Variants in CDH13 observed in about 807,000 individuals in gnomAD.
The protein encoded by CDH13 is cadherin 13.
Under a neutral mutation model 63.8 loss-of-function variants are expected in CDH13, and 24 were observed. The ratio of observed to expected loss-of-function variants is 0.38; its 90% CI spans 0.27 to 0.53. The LOEUF is 0.53. Ranked by LOEUF, CDH13 falls within the 20% of genes least tolerant of loss-of-function variation. The pLI is 0.85. For synonymous variants in CDH13, 503 were observed against 355.3 expected (o/e 1.42, Z -4.67); for missense variants, 1,049 against 903.1 (o/e 1.16, Z -2.07).
intron 1 of CDH13, among the ~76,000 whole-genome samples, chr16:82,734,997 G>C (rs2033598806): frequency 6.6e-6 from 1 of 152,184 alleles, no homozygotes; most frequent in Non-Finnish European, 1.5e-5. Flanking sequence ...CTAATTAGGA[G>C]GCTACTCCGG....
chr16:82,833,237 T>C (rs1328468473), intron 1 of CDH13, among the ~76,000 whole-genome samples: 1 of 152,232 alleles, frequency 6.6e-6, no homozygotes, highest in Non-Finnish European at 1.5e-5. Context: ...AATAATTGTG[T>C]AGCACTATCT....
intron 10 of CDH13, among the ~76,000 whole-genome samples, chr16:83,689,790 C>G (rs1191718487): frequency 6.6e-6 from 1 of 152,244 alleles, no homozygotes; most frequent in Non-Finnish European, 1.5e-5. Context: ...TGGATTAGGG[C>G]TATGACCGGA....
At chr16:82,947,100 T>A (rs1006888768) in intron 2 of CDH13, among the ~76,000 whole-genome samples, 1 of 151,790 alleles carries the variant, frequency 6.6e-6, no homozygotes, top group Non-Finnish European at 1.5e-5. Context: ...TCTCTCTGAT[T>A]ACTGTCAATG....
At chr16:82,915,872 C>G (rs531057306) in intron 2 of CDH13, among the ~76,000 whole-genome samples, 1 of 150,178 alleles carries the variant, frequency 6.7e-6, no homozygotes, top group East Asian at 2.0e-4. Flanking sequence ...AGGGGAACTG[C>G]TATATCACAG....
intron 1 of CDH13, among the ~76,000 whole-genome samples, chr16:82,746,082 G>A (rs762436800): frequency 1.3e-5 from 2 of 151,704 alleles, no homozygotes; most frequent in Middle Eastern, 3.2e-3. Flanking sequence ...ATCTATCTAT[G>A]TCTTTCTATT....
chr16:83,186,539 G>A (rs1225166489), intron 4 of CDH13, among the ~76,000 whole-genome samples: 1 of 151,932 alleles, frequency 6.6e-6, no homozygotes, highest in Non-Finnish European at 1.5e-5. Flanking sequence ...TATTTTTGTT[G>A]TTATTGTTTT....
intron 5 of CDH13, among the ~76,000 whole-genome samples, chr16:83,248,506 C>T (rs369674132): frequency 5.3e-5 from 8 of 152,136 alleles, no homozygotes; most frequent in African/African-American, 1.9e-4. Flanking sequence ...AAATGAAAGT[C>T]AGGCTCAAGG....
chr16:83,681,942 C>G (rs1199863768), intron 10 of CDH13, among the ~76,000 whole-genome samples: 1 of 152,156 alleles, frequency 6.6e-6, no homozygotes, highest in Non-Finnish European at 1.5e-5. Context: ...AGAAACTTAG[C>G]TGGAAAAGAA....
At chr16:83,166,464 C>T (rs1407667740) in intron 4 of CDH13, among the ~76,000 whole-genome samples, 1 of 152,032 alleles carries the variant, frequency 6.6e-6, no homozygotes, top group African/African-American at 2.4e-5. Context: ...CCTCTTGATT[C>T]CTCCCTCCTT....
chr16:83,067,823 C>G (rs1419151940), intron 3 of CDH13, among the ~76,000 whole-genome samples: 1 of 152,142 alleles, frequency 6.6e-6, no homozygotes, highest in Non-Finnish European at 1.5e-5. Flanking sequence ...CTGCCCCTCT[C>G]TTCTTCTCTC....
At chr16:83,246,699 G>A (rs975926648) in intron 5 of CDH13, among the ~76,000 whole-genome samples, 3 of 152,054 alleles carry the variant, frequency 2.0e-5, no homozygotes, top group African/African-American at 7.2e-5. Flanking sequence ...TGCCTTTGAG[G>A]CCCCTATGTT....
chr16:83,207,474 T>A (rs1449599225), intron 4 of CDH13, among the ~76,000 whole-genome samples: 1 of 152,202 alleles, frequency 6.6e-6, no homozygotes, highest in Non-Finnish European at 1.5e-5. Context: ...ACACATACAA[T>A]CTTTACATAT....
chr16:83,628,942 T>C (rs1209252486), intron 8 of CDH13, among the ~76,000 whole-genome samples: 1 of 152,218 alleles, frequency 6.6e-6, no homozygotes, highest in Non-Finnish European at 1.5e-5. Flanking sequence ...GATTGTTGTA[T>C]TTGCACCAAT....
chr16:82,654,129 C>CA (rs1265569579), intron 1 of CDH13, among the ~76,000 whole-genome samples: 1 of 152,130 alleles, frequency 6.6e-6, no homozygotes, highest in African/African-American at 2.4e-5. Context: ...GCCTACACTG[C>CA]ACCAGCCAGT....
intron 6 of CDH13, among the ~76,000 whole-genome samples, chr16:83,417,329 A>G (rs2071579627): frequency 6.6e-6 from 1 of 152,106 alleles, no homozygotes; most frequent in Non-Finnish European, 1.5e-5. Context: ...CAAGATTACC[A>G]TTACAGCCCC....
At chr16:82,639,477 T>A in intron 1 of CDH13, 2 of 1,503,520 alleles carry the variant, frequency 1.3e-6, no homozygotes, top group Non-Finnish European at 8.9e-7. Context: ...TAAATTTGCC[T>A]GCTGCTGTGT....
intron 7 of CDH13, among the ~76,000 whole-genome samples, chr16:83,564,076 C>T (rs1204402786): frequency 6.6e-6 from 1 of 152,142 alleles, no homozygotes; most frequent in African/African-American, 2.4e-5. Context: ...AGGTCAAATA[C>T]GTGAAATGAT....
At chr16:83,684,436 C>G (rs1904283640) in intron 10 of CDH13, among the ~76,000 whole-genome samples, 1 of 152,130 alleles carries the variant, frequency 6.6e-6, no homozygotes, top group African/African-American at 2.4e-5. Context: ...TTTGCTAAAC[C>G]TTCTCCTACA....
chr16:82,866,377 C>CTTTTTTTTTTTTTTTTT lies in CDH13; in HGVS notation c.157+7917_157+7933dup, dbSNP rs538206338. On this transcript the variant is annotated intron_variant, in intron 2 of 13. Transcript: ENST00000567109. ...TCTGTTTTCTTTTCTTTTTCTTCTT[C>CTTTTTTTTTTTTTTTTT]TTTTTTTTTTTTTTTTTTTTTTTTT... Among the ~76,000 whole-genome samples, 45 of 58,324 alleles carry CTTTTTTTTTTTTTTTTT rather than the reference C, an allele frequency of 7.7e-4. 1 individual carries two copies. Among genetic ancestry groups the CTTTTTTTTTTTTTTTTT allele is most frequent in the Non-Finnish European group, 9.3e-4 (32 of 34,366 alleles). 38.3% of individuals were successfully genotyped at this position (58,324 alleles called of 152,430 possible).
Sources: allele counts gnomAD v4.1 joint callset (sites outside exome capture counted in the v4.1 genomes callset), GRCh38; gene constraint gnomAD v4.1.1; transcripts MANE v1.5; gene names NCBI Gene and HGNC (gene_info 2026-07-23, HGNC 2026-07-21).